ORC4: variants seen among roughly 807,000 people sequenced by gnomAD.
ORC4 encodes the protein origin recognition complex subunit 4.
A neutral mutation model predicts 63.9 loss-of-function variants in ORC4; 55 were observed. That is an observed-to-expected ratio of 0.86 (90% CI 0.69 to 1.08). ORC4 has a LOEUF of 1.08. Ranked by LOEUF, ORC4 falls within the 50% of genes least tolerant of loss-of-function variation. The pLI is 0.00. For missense variants in ORC4, 511 were observed against 504.4 expected (o/e 1.01, Z -0.13); for synonymous variants, 150 against 168.5 (o/e 0.89, Z 0.85).
chr2:147,977,884 G>A (rs1439545785), intron 1 of ORC4, among the ~76,000 whole-genome samples: 1 of 152,230 alleles, frequency 6.6e-6, no homozygotes, highest in Non-Finnish European at 1.5e-5. Context: ...CCACAGCTGA[G>A]TGGGGCTGGA....
At chr2:148,014,804 G>C (rs1009927939) in intron 1 of ORC4, among the ~76,000 whole-genome samples, 1 of 152,122 alleles carries the variant, frequency 6.6e-6, no homozygotes, top group African/African-American at 2.4e-5. Flanking sequence ...ATACGTGGGA[G>C]GATGTGTGTA....
intron 9 of ORC4, among the ~76,000 whole-genome samples, chr2:147,944,145 G>A (rs1192237862): frequency 3.9e-5 from 6 of 152,086 alleles, no homozygotes; most frequent in African/African-American, 9.7e-5. Flanking sequence ...GAATTAAGAC[G>A]TTTATAGGAG....
chr2:147,962,137 C>A (rs554266757), intron 4 of ORC4, among the ~76,000 whole-genome samples: 1 of 152,220 alleles, frequency 6.6e-6, no homozygotes, highest in South Asian at 2.1e-4. Flanking sequence ...ATCTCCTGCA[C>A]CCCGATCAAA....
intron 1 of ORC4, among the ~76,000 whole-genome samples, chr2:148,015,792 G>A (rs1017510586): frequency 6.6e-6 from 1 of 152,062 alleles, no homozygotes; most frequent in Non-Finnish European, 1.5e-5. Flanking sequence ...AAAGTGGGTC[G>A]TAAAACAGCA....
chr2:147,931,805 T>C lies in ORC4; in HGVS notation c.*3705A>G, dbSNP rs1485070859. 1 of 151,804 alleles carries C rather than the reference T, an allele frequency of 6.6e-6. No individual in the cohort carries two copies. The highest frequency in any genetic ancestry group is 1.5e-5 in the Non-Finnish European group (1 of 67,984). The allele number at this position is 151,804 out of a possible 1,614,324, so 9.4% of individuals were successfully genotyped here. On this transcript the variant is annotated 3_prime_UTR_variant, in exon 14 of 14. Coordinates refer to ENST00000392857, the MANE Select transcript of ORC4 (RefSeq NM_181741.4). ...TAAATTAGGGATTGATGGGGTGTAT[T>C]TCAAAATAATAAGAGCTATCTATGA...
chr2:147,972,513 A>G (rs1420530901), intron 4 of ORC4, among the ~76,000 whole-genome samples: 1 of 152,110 alleles, frequency 6.6e-6, no homozygotes, highest in African/African-American at 2.4e-5. Context: ...GAGGACAAAT[A>G]AGGGGGAAAA....
Position 147,933,289 on chromosome 2 carries a change from A to G in ORC4, c.*2221T>C, listed in dbSNP as rs1243801630. ...TTCATATTTGTTTTTATTGATGACA[A>G]TTAAAGCAATTTAAGAGACGAAGTT... On this transcript the variant is annotated 3_prime_UTR_variant, in exon 14 of 14. Transcript: ENST00000392857. 1 of 152,022 alleles carries G rather than the reference A, an allele frequency of 6.6e-6. No individual in the cohort carries two copies. The highest frequency in any genetic ancestry group is 1.5e-5 in the Non-Finnish European group (1 of 67,966). The allele number at this position is 152,022 out of a possible 1,614,324, so 9.4% of individuals were successfully genotyped here. A position where few individuals can be genotyped will look rare whatever the true frequency, so the allele number is the denominator to read the frequency against.
intron 1 of ORC4, among the ~76,000 whole-genome samples, chr2:147,985,363 A>C (rs1691140430): frequency 6.6e-6 from 1 of 151,856 alleles, no homozygotes; most frequent in African/African-American, 2.4e-5. Flanking sequence ...TGCCCGGCTA[A>C]TTTTTTGTAT....
intron 1 of ORC4, among the ~76,000 whole-genome samples, chr2:147,996,711 T>A (rs567553169): frequency 6.6e-6 from 1 of 152,112 alleles, no homozygotes; most frequent in African/African-American, 2.4e-5. Flanking sequence ...TGAGATACCA[T>A]TGCACACCTA....
At chr2:147,973,025 A>G (rs945083397) in intron 3 of ORC4, among the ~76,000 whole-genome samples, 196 bp from the exon 4 acceptor site, 2 of 152,176 alleles carry the variant, frequency 1.3e-5, no homozygotes, top group African/African-American at 4.8e-5. Flanking sequence ...ATTCTCTGAA[A>G]TCTTCAGGTG....
At chr2:147,947,371 C>T (rs1284310654) in intron 9 of ORC4, among the ~76,000 whole-genome samples, 1 of 152,022 alleles carries the variant, frequency 6.6e-6, no homozygotes, top group Non-Finnish European at 1.5e-5. Context: ...CATATGCATA[C>T]TTCCTCCTTT....
chr2:147,991,329 G>T (rs979194674), intron 1 of ORC4, among the ~76,000 whole-genome samples: 2 of 151,968 alleles, frequency 1.3e-5, no homozygotes, highest in South Asian at 4.1e-4. Context: ...GATTACAGGC[G>T]TGAGCCACTG....
intron 4 of ORC4, among the ~76,000 whole-genome samples, chr2:147,959,451 A>G (rs1410955466): frequency 6.6e-6 from 1 of 152,038 alleles, no homozygotes; most frequent in African/African-American, 2.4e-5. Flanking sequence ...TCCAATATTA[A>G]AATATAGGTA....
At chr2:147,949,793 T>G (rs907131495) in intron 8 of ORC4, among the ~76,000 whole-genome samples, 1 of 152,186 alleles carries the variant, frequency 6.6e-6, no homozygotes, top group African/African-American at 2.4e-5. Context: ...CTGTAGTAAT[T>G]GAATCTTGGC....
At chr2:147,970,291 C>T (rs1328400881) in intron 4 of ORC4, among the ~76,000 whole-genome samples, 2 of 152,104 alleles carry the variant, frequency 1.3e-5, no homozygotes, top group Non-Finnish European at 2.9e-5. Context: ...AACTCAAAAT[C>T]TAGCAATTCA....
intron 4 of ORC4, among the ~76,000 whole-genome samples, chr2:147,967,450 T>C (rs1689957320): frequency 6.6e-6 from 1 of 151,392 alleles, no homozygotes; most frequent in Non-Finnish European, 1.5e-5. Context: ...AGTTGAAGGC[T>C]ACAAAATCAA....
intron 1 of ORC4, among the ~76,000 whole-genome samples, chr2:147,998,680 T>A (rs1692125300): frequency 6.6e-6 from 1 of 152,172 alleles, no homozygotes; most frequent in Non-Finnish European, 1.5e-5. Flanking sequence ...AATTACCCAG[T>A]CTTAGGTATT....
chr2:148,015,939 T>C (rs536956776), intron 1 of ORC4, among the ~76,000 whole-genome samples: 2 of 152,098 alleles, frequency 1.3e-5, no homozygotes, highest in African/African-American at 2.4e-5. Context: ...CCACTGGAAG[T>C]TGACAACAAC....
chr2:148,021,483 GCTGCTGCTGCTGCTA>G (rs755361381), upstream of ORC4: 515 of 565,638 alleles, frequency 9.1e-4, 1 homozygote, highest in South Asian at 2.4e-3. Flanking sequence ...TGCTGCTGTT[GCTGCTGCTGCTGCTA>G]CTGCTGCTGC....
Sources: gnomAD v4.1 joint callset for allele counts (sites outside exome capture counted in the v4.1 genomes callset) on GRCh38, gnomAD v4.1.1 for gene constraint, MANE v1.5 for transcripts, NCBI Gene and HGNC (gene_info 2026-07-23, HGNC 2026-07-21) for gene names.